IFT140: variants seen among roughly 807,000 people sequenced by gnomAD.
IFT140 encodes intraflagellar transport protein 140 homolog.
In IFT140, 133 loss-of-function variants were observed where a neutral mutation model predicts 164.6. The ratio of observed to expected loss-of-function variants is 0.81; its 90% CI spans 0.70 to 0.93. The LOEUF (loss-of-function observed/expected upper bound fraction) is 0.93. IFT140 is among the 40% of genes least tolerant of loss of function. IFT140 has a pLI of 0.00. For missense variants in IFT140, 2,045 were observed against 1,972.3 expected (o/e 1.04, Z -0.70); for synonymous variants, 860 against 817.3 (o/e 1.05, Z -0.89).
chr16:1,525,761 C>T (rs1596305443), intron 21 of IFT140, 126 bp downstream of exon 21: 1 of 1,015,600 alleles, frequency 9.8e-7, no homozygotes, highest in East Asian at 2.7e-5. Flanking sequence ...AGAAGGCTGC[C>T]ACCACCCTGA....
At chr16:1,548,214 C>T (rs1010089713) in intron 19 of IFT140, among the ~76,000 whole-genome samples, 5 of 152,216 alleles carry the variant, frequency 3.3e-5, no homozygotes, top group Non-Finnish European at 7.3e-5. Context: ...CCGTCTGCTC[C>T]GCATAGATTC....
rs1388979833 is a variant in IFT140 at position 1,526,745 on chromosome 16, C to T, written c.2451G>A (p.Leu817=). Residue 817 remains leucine (L), a synonymous_variant, in exon 20 of 31, where the codon CTG becomes CTA. Coordinates refer to ENST00000426508, the MANE Select transcript of IFT140 (RefSeq NM_014714.4). ...MARMCVKTQR[L]DVAKVCLGNM... The stretch of plus-strand genomic sequence containing the variant: ...TCCCCAGGCACACCTTGGCCACGTC[C>T]AGCCGCTGGGTCTTCACGCACATGC... The T allele has an allele frequency of 1.9e-6, 3 of 1,609,974 alleles. No homozygotes were observed. The highest frequency in any genetic ancestry group is 1.7e-5 in the Admixed American group (1 of 59,696).
At chr16:1,591,789 C>A (rs901918850) in intron 6 of IFT140, among the ~76,000 whole-genome samples, 1 of 152,170 alleles carries the variant, frequency 6.6e-6, no homozygotes. Context: ...ATTCCCACAC[C>A]CTAGCCAAGT....
rs957003498 is a variant in IFT140 at position 1,551,537 on chromosome 16, G to A, written c.2399+6398C>T. On this transcript the variant is annotated intron_variant, in intron 19 of 30. Coordinates refer to ENST00000426508, the MANE Select transcript of IFT140 (RefSeq NM_014714.4). This position sits in a 1 kb window ranked among gnomAD's most constrained non-coding sequence, Gnocchi z 4.0. Reference sequence around the variant, plus strand: ...TGAGTGCTGGGGAGACAGGATGTGAGTTTCATACAGATCAGGGTGCAGCGG... The same window carrying A: ...TGAGTGCTGGGGAGACAGGATGTGAATTTCATACAGATCAGGGTGCAGCGG... 6.6e-6 allele frequency among the ~76,000 whole-genome samples: 1 copy of A among 152,170 alleles called. No individual in the cohort carries two copies. The highest frequency in any genetic ancestry group is 2.4e-5 in the African/African-American group (1 of 41,442).
In IFT140 at chr16:1,528,345, GCATGCACGCACGTGTGCA is replaced by G. The variant is rs1567333639; in HGVS notation, c.2400-1567_2400-1550del. 1.5e-3 allele frequency among the ~76,000 whole-genome samples: 189 copies of G among 129,604 alleles called. 1 individual carries two copies. Among genetic ancestry groups the G allele is most frequent in the African/African-American group, 4.9e-3 (180 of 37,106 alleles). The allele number at this position is 129,604 out of a possible 152,430, so 85.0% of individuals were successfully genotyped here. ...CATGCACGCACGTGTGCACACACACGCATGCACGCACGTGTGCACACACACGCATGCACGCACGTGTGC... is the reference window on the plus strand; with the variant it reads ...CATGCACGCACGTGTGCACACACACGCACACACGCATGCACGCACGTGTGC... On this transcript the variant is annotated intron_variant, in intron 19 of 30. Transcript: ENST00000426508.
chr16:1,588,527 A>AAATAAT (rs56785842), intron 7 of IFT140, among the ~76,000 whole-genome samples: 47 of 145,448 alleles, frequency 3.2e-4, no homozygotes, highest in Non-Finnish European at 4.8e-4. Context: ...TCCGTCTCAA[A>AAATAAT]AATAATAATA....
At chr16:1,572,329 G>A (rs1399005542) in intron 13 of IFT140, among the ~76,000 whole-genome samples, 3 of 152,156 alleles carry the variant, frequency 2.0e-5, no homozygotes, top group Non-Finnish European at 4.4e-5. Context: ...TAGAAAGCAC[G>A]TCCCACAGTC....
Position 1,518,500 on chromosome 16 carries a change from C to T in IFT140, c.4041-143G>A, listed in dbSNP as rs1596295281. ...TCTATGAAGTTAAATTCATTAATTC[C>T]TTAATTTGTTCATTCATAAATTAAC... On this transcript the variant is annotated intron_variant, in intron 29 of 30. Coordinates refer to ENST00000426508, the MANE Select transcript of IFT140 (RefSeq NM_014714.4). 10 of 766,592 alleles carry T rather than the reference C, an allele frequency of 1.3e-5. No homozygotes were observed. The East Asian group carries it at 1.7e-4, about 13-fold the overall frequency. 47.5% of individuals were successfully genotyped at this position (766,592 alleles called of 1,614,324 possible).
Position 1,607,281 on chromosome 16 carries a change from C to A in IFT140, c.-15G>T. The A allele has an allele frequency of 6.2e-7, 1 of 1,606,676 alleles. No individual in the cohort carries two copies. Among genetic ancestry groups the A allele is most frequent in the South Asian group, 1.1e-5 (1 of 89,838 alleles). On this transcript the variant is annotated 5_prime_UTR_variant, in exon 3 of 31. In the 5' UTR this introduces an upstream ATG that the reference lacks. Coordinates refer to ENST00000426508, the MANE Select transcript of IFT140 (RefSeq NM_014714.4). ...TAGAGGGCCATGACGGAACTCAGGC[C>A]TCCTCAGCGCTGAAACCTGCAGGGA... is the stretch of plus-strand genomic sequence containing the variant.
rs1466339635 is a variant in IFT140, at chr16:1,519,808, G to C, written c.4040+73C>G. 8.6e-6 allele frequency: 12 copies of C among 1,399,058 alleles called. No homozygotes were observed. In the East Asian group the frequency reaches 2.7e-4, roughly 32 times the overall value. The allele number at this position is 1,399,058 out of a possible 1,614,324, so 86.7% of individuals were successfully genotyped here. A position where few individuals can be genotyped will look rare whatever the true frequency, so the allele number is the denominator to read the frequency against. Reference sequence around the variant, plus strand: ...GCTGTCCTGCCCTTTTGCTGGCTGGGGTTTCTCGTGGTCAGCCCCGGCCCT... The same window carrying C: ...GCTGTCCTGCCCTTTTGCTGGCTGGCGTTTCTCGTGGTCAGCCCCGGCCCT... On this transcript the variant is annotated intron_variant, in intron 29 of 30. Coordinates refer to ENST00000426508, the MANE Select transcript of IFT140 (RefSeq NM_014714.4).
intron 25 of IFT140, 38 bp downstream of exon 25, chr16:1,523,790 G>T: frequency 6.2e-7 from 1 of 1,607,480 alleles, no homozygotes. Flanking sequence ...CTGGCTTGCT[G>T]CCCCTCCCCC....
At chr16:1,520,936 G>T in intron 26 of IFT140, 128 bp from the exon 27 acceptor site, 1 of 732,602 alleles carries the variant, frequency 1.4e-6, no homozygotes, top group Non-Finnish European at 2.2e-6. Flanking sequence ...TAGCTGGGGT[G>T]GGTATGGAGG....
intron 21 of IFT140, 125 bp from the exon 22 acceptor site, chr16:1,525,451 C>T: frequency 2.7e-6 from 2 of 736,742 alleles, no homozygotes; most frequent in Admixed American, 2.0e-5. Flanking sequence ...GTGCTCCTGG[C>T]CTGCAGCTCT....
chr16:1,604,314 T>TGTGTGTGG (rs1250559603), intron 3 of IFT140: 1 of 132,724 alleles, frequency 7.5e-6, no homozygotes, highest in Non-Finnish European at 1.5e-5. Context: ...TGTGTGTGTG[T>TGTGTGTGG]GTGGAGGGGG....
At chr16:1,519,828 G>C in intron 29 of IFT140, 53 bp downstream of exon 29, 1 of 1,480,416 alleles carries the variant, frequency 6.8e-7, no homozygotes, top group African/African-American at 1.4e-5. Context: ...GGTCAGCCCC[G>C]GCCCTGTAGT....
intron 11 of IFT140, 133 bp downstream of exon 11, chr16:1,584,084 A>G (rs2034730614): frequency 1.4e-6 from 1 of 691,846 alleles, no homozygotes; most frequent in Non-Finnish European, 2.4e-6. Flanking sequence ...ATGGATATCC[A>G]GGAAATAAGA....
intron 12 of IFT140, among the ~76,000 whole-genome samples, chr16:1,582,965 G>C (rs536143958): frequency 6.6e-6 from 1 of 152,340 alleles, no homozygotes; most frequent in East Asian, 1.9e-4. Flanking sequence ...CATGTCTGAG[G>C]AGCCACCTTG....
intron 4 of IFT140, among the ~76,000 whole-genome samples, chr16:1,599,974 G>A (rs1318653077): frequency 7.0e-6 from 1 of 142,402 alleles, no homozygotes; most frequent in African/African-American, 2.7e-5. Flanking sequence ...CATTGAGAAC[G>A]GGCCAGGATG....
At chr16:1,518,101 G>A (rs2141134038) in intron 30 of IFT140, 115 bp downstream of exon 30, 2 of 1,035,676 alleles carry the variant, frequency 1.9e-6, no homozygotes, top group East Asian at 2.5e-5. Flanking sequence ...GCCTCCCAAA[G>A]TGCTGGGATT....
Sources: gnomAD v4.1 joint callset for allele counts (sites outside exome capture counted in the v4.1 genomes callset) on GRCh38, gnomAD v4.1.1 for gene constraint, Gnocchi (gnomAD v3.1) non-coding constraint, MANE v1.5 for transcripts, NCBI Gene and HGNC (gene_info 2026-07-23, HGNC 2026-07-21) for gene names.